CAMKMT: variants seen among roughly 807,000 people sequenced by gnomAD.
CAMKMT encodes the protein CaM KMT.
In CAMKMT, 53 loss-of-function variants were observed where a neutral mutation model predicts 48.0. The observed-to-expected ratio is 1.10, with a 90% confidence interval of 0.89 to 1.39. The LOEUF is 1.39. CAMKMT is among the 40% of genes most tolerant of loss of function. The probability of loss-of-function intolerance (pLI) is 0.00; values close to 1 mark genes in which losing one functional copy is unlikely to be tolerated. For missense variants in CAMKMT, 428 were observed against 402.7 expected (o/e 1.06, Z -0.54); for synonymous variants, 165 against 152.3 (o/e 1.08, Z -0.61).
chr2:44,371,995 TAC>T (rs1174028965), intron 1 of CAMKMT, among the ~76,000 whole-genome samples: 1 of 152,220 alleles, frequency 6.6e-6, no homozygotes, highest in Non-Finnish European at 1.5e-5. Context: ...TGCTAAAACA[TAC>T]ATACCTTGCA....
intron 3 of CAMKMT, among the ~76,000 whole-genome samples, chr2:44,586,988 A>G (rs1212997972): frequency 1.3e-5 from 2 of 152,238 alleles, no homozygotes; most frequent in Non-Finnish European, 2.9e-5. Flanking sequence ...TAGTCATTCT[A>G]GTAGATGTAT....
At chr2:44,744,827 T>C (rs966375914) in intron 8 of CAMKMT, among the ~76,000 whole-genome samples, 2 of 152,160 alleles carry the variant, frequency 1.3e-5, no homozygotes, top group African/African-American at 4.8e-5. Flanking sequence ...AAAATAAATA[T>C]TTTGTCTATT....
At chr2:44,528,651 A>G (rs993110758) in intron 3 of CAMKMT, among the ~76,000 whole-genome samples, 1 of 152,154 alleles carries the variant, frequency 6.6e-6, no homozygotes, top group African/African-American at 2.4e-5. Context: ...TCACATCCAA[A>G]CAGTATCCAC....
intron 3 of CAMKMT, among the ~76,000 whole-genome samples, chr2:44,622,610 T>G (rs947290713): frequency 6.6e-6 from 1 of 152,266 alleles, no homozygotes; most frequent in African/African-American, 2.4e-5. Context: ...TGTCTGTTCC[T>G]GCATTAATTT....
rs1473185727 is a variant in CAMKMT at position 44,673,447 on chromosome 2, G to GAGAGAA, written c.377-30826_377-30821dup. ...CTGTTTAAAAAAAAAAAAAAAGAGA[G>GAGAGAA]AGAGAAAGAGAAAGAAAGAGAGAGA... On this transcript the variant is annotated intron_variant, in intron 3 of 10. Coordinates refer to ENST00000378494, the MANE Select transcript of CAMKMT (RefSeq NM_024766.5). Among the ~76,000 whole-genome samples, 592 of 141,412 alleles carry GAGAGAA rather than the reference G, an allele frequency of 4.2e-3. 7 individuals are homozygous for GAGAGAA. Among genetic ancestry groups the GAGAGAA allele is most frequent in the African/African-American group, 0.015 (570 of 37,138 alleles). The allele number at this position is 141,412 out of a possible 152,430, so 92.8% of individuals were successfully genotyped here.
intron 7 of CAMKMT, among the ~76,000 whole-genome samples, chr2:44,724,266 G>A (rs928164245): frequency 6.6e-6 from 1 of 152,080 alleles, no homozygotes; most frequent in Non-Finnish European, 1.5e-5. Context: ...TGGGCAACAC[G>A]GCAAGATCCC....
At chr2:44,588,374 G>C (rs796975817) in intron 3 of CAMKMT, among the ~76,000 whole-genome samples, 5,779 of 21,918 alleles carry the variant, frequency 0.26, 836 homozygotes, top group Admixed American at 0.34. Flanking sequence ...GCCCGGCCGC[G>C]CCTACTGGGA....
intron 3 of CAMKMT, among the ~76,000 whole-genome samples, chr2:44,482,100 T>C (rs1359183031): frequency 6.6e-6 from 1 of 152,006 alleles, no homozygotes; most frequent in Non-Finnish European, 1.5e-5. Context: ...TGAGGGGAAT[T>C]TTAGGGCTTA....
At chr2:44,440,486 C>T (rs1027370547) in intron 3 of CAMKMT, among the ~76,000 whole-genome samples, 6 of 147,328 alleles carry the variant, frequency 4.1e-5, no homozygotes, top group African/African-American at 1.6e-4. Context: ...ATAAAAGATA[C>T]ACAAACACTT....
chr2:44,636,025 A>G (rs542682185), intron 3 of CAMKMT, among the ~76,000 whole-genome samples: 3 of 152,354 alleles, frequency 2.0e-5, no homozygotes, highest in Non-Finnish European at 2.9e-5. Flanking sequence ...GAAAAACACA[A>G]AACCAAAGAA....
intron 3 of CAMKMT, among the ~76,000 whole-genome samples, chr2:44,613,258 G>T (rs1392889321): frequency 6.6e-6 from 1 of 152,194 alleles, no homozygotes; most frequent in Admixed American, 6.5e-5. Flanking sequence ...AAGGATACCA[G>T]TTGTTAAAAT....
chr2:44,547,307 T>A (rs1667461843), intron 3 of CAMKMT, among the ~76,000 whole-genome samples: 1 of 152,122 alleles, frequency 6.6e-6, no homozygotes, highest in Non-Finnish European at 1.5e-5. Context: ...AGACAGTACC[T>A]CAGCAGGGAT....
At position 44,683,778 on chromosome 2, in the gene CAMKMT, G is replaced by A. The variant is rs191711646; in HGVS notation, c.377-20505G>A. 9.4e-3 allele frequency among the ~76,000 whole-genome samples: 1,182 copies of A among 126,196 alleles called. 7 individuals carry two copies. The highest frequency in any genetic ancestry group is 0.047 in the Middle Eastern group (8 of 172). The allele number at this position is 126,196 out of a possible 152,430, so 82.8% of individuals were successfully genotyped here. On this transcript the variant is annotated intron_variant, in intron 3 of 10. Transcript: ENST00000378494. ...GCAGAGCTTGCAGTGAGCCGAGATC[G>A]CGCCACTGCACACCAGCCTGGGCGA... is the stretch of plus-strand genomic sequence containing the variant.
At chr2:44,693,481 G>A (rs1676771296) in intron 3 of CAMKMT, among the ~76,000 whole-genome samples, 1 of 152,128 alleles carries the variant, frequency 6.6e-6, no homozygotes. Context: ...CCCCTTCTGT[G>A]GACCACTTCT....
chr2:44,686,636 A>G (rs1352380618), intron 3 of CAMKMT, among the ~76,000 whole-genome samples: 2 of 152,214 alleles, frequency 1.3e-5, no homozygotes, highest in African/African-American at 2.4e-5. Context: ...GGGCTTTGCC[A>G]TGAACACGTT....
intron 3 of CAMKMT, among the ~76,000 whole-genome samples, chr2:44,545,931 T>C (rs2103630240): frequency 6.6e-6 from 1 of 152,204 alleles, no homozygotes; most frequent in South Asian, 2.1e-4. Flanking sequence ...GAACAAGCTA[T>C]AAGATTCTAA....
intron 3 of CAMKMT, among the ~76,000 whole-genome samples, chr2:44,424,200 A>G (rs1259049928): frequency 1.3e-5 from 2 of 151,814 alleles, no homozygotes; most frequent in African/African-American, 4.8e-5. Context: ...TCTGTACCGT[A>G]TGTATTTCTT....
At chr2:44,528,658 C>A (rs1218150414) in intron 3 of CAMKMT, among the ~76,000 whole-genome samples, 1 of 152,120 alleles carries the variant, frequency 6.6e-6, no homozygotes, top group African/African-American at 2.4e-5. Flanking sequence ...CAAACAGTAT[C>A]CACACATTGC....
At chr2:44,457,492 G>C (rs1424465396) in intron 3 of CAMKMT, among the ~76,000 whole-genome samples, 2 of 150,320 alleles carry the variant, frequency 1.3e-5, no homozygotes, top group South Asian at 4.2e-4. Flanking sequence ...TCCACCCCCC[G>C]GGTTCAAGCG....
Sources: gnomAD v4.1 joint callset for allele counts (sites outside exome capture counted in the v4.1 genomes callset) on GRCh38, gnomAD v4.1.1 for gene constraint, MANE v1.5 for transcripts, NCBI Gene and HGNC (gene_info 2026-07-23, HGNC 2026-07-21) for gene names.